DMD: variants seen among roughly 807,000 people sequenced by gnomAD.
DMD encodes dystrophin, also known as mutant dystrophin.
DMD carries 63 observed loss-of-function variants against 330.1 expected under a neutral mutation model. The observed-to-expected ratio is 0.19, with a 90% CI of 0.16 to 0.24. DMD has a LOEUF of 0.24. Ranked by LOEUF, DMD falls within the 10% of genes least tolerant of loss-of-function variation. DMD has a pLI of 1.00. For synonymous variants in DMD, 1,223 were observed against 959.8 expected (o/e 1.27, Z -5.07); for missense variants, 3,344 against 2,684.1 (o/e 1.25, Z -5.43).
At chrX:31,956,404 G>A (rs1337956642) in intron 45 of DMD, among the ~76,000 whole-genome samples, 6 of 111,803 alleles carry the variant, frequency 5.4e-5, no homozygotes, top group African/African-American at 9.8e-5. Flanking sequence ...CAGGGAAACC[G>A]TATAGAATGA....
At chrX:31,438,997 ACTCCTAT>A (rs2064741370) in intron 60 of DMD, among the ~76,000 whole-genome samples, 1 of 110,899 alleles carries the variant, frequency 9.0e-6, no homozygotes, top group Admixed American at 9.6e-5. Context: ...CCACACAAAT[ACTCCTAT>A]TGTTTAGCTA....
intron 60 of DMD, among the ~76,000 whole-genome samples, chrX:31,385,554 T>A (rs953181705): frequency 2.7e-5 from 3 of 112,436 alleles, no homozygotes; most frequent in Non-Finnish European, 1.9e-5. Context: ...AGGTACACAT[T>A]AAGCGTATAT....
At chrX:32,508,868 T>C (rs1603635124) in intron 18 of DMD, among the ~76,000 whole-genome samples, 1 of 110,714 alleles carries the variant, frequency 9.0e-6, no homozygotes, top group Non-Finnish European at 1.9e-5. Flanking sequence ...TGGAGTGCAG[T>C]GGCGCAATCT....
rs1049812984 is a variant in DMD at position 32,687,119 on chromosome X, T to G, written c.960+10751A>C. On this transcript the variant is annotated intron_variant, in intron 9 of 78. Coordinates refer to ENST00000357033, the MANE Select transcript of DMD (RefSeq NM_004006.3). The stretch of plus-strand genomic sequence containing the variant: ...GCAATTAAGTGGCCATTTCGGCTCC[T>G]ACTCTGTGACACTTATGTGCAAGGA... Among the ~76,000 whole-genome samples, 6 of 112,317 alleles carry G rather than the reference T, an allele frequency of 5.3e-5. No homozygotes were observed. In the East Asian group the frequency reaches 1.7e-3, roughly 31 times the overall value.
At chrX:31,882,991 A>G (rs1350056454) in intron 47 of DMD, among the ~76,000 whole-genome samples, 1 of 111,474 alleles carries the variant, frequency 9.0e-6, no homozygotes, top group Non-Finnish European at 1.9e-5. Context: ...TTAAAAATAA[A>G]TATATACATA....
chrX:31,496,526 G>T (rs1284333592), intron 57 of DMD, among the ~76,000 whole-genome samples: 1 of 111,726 alleles, frequency 9.0e-6, no homozygotes, highest in South Asian at 3.7e-4. Context: ...GTCTACTTTT[G>T]TATATGTTCA....
At chrX:33,256,528 T>C (rs1449144241) in intron 1 of DMD, among the ~76,000 whole-genome samples, 1 of 110,509 alleles carries the variant, frequency 9.0e-6, no homozygotes, top group Non-Finnish European at 1.9e-5. Flanking sequence ...AGAGGAAATA[T>C]AACATTTATA....
chrX:32,571,545 A>G (rs1347424955), intron 15 of DMD, among the ~76,000 whole-genome samples: 1 of 111,503 alleles, frequency 9.0e-6, no homozygotes, highest in Non-Finnish European at 1.9e-5. Context: ...TTAATGTGTC[A>G]CTCTACACAA....
chrX:31,397,274 C>G (rs775734243), intron 60 of DMD, among the ~76,000 whole-genome samples: 1 of 111,975 alleles, frequency 8.9e-6, no homozygotes, highest in East Asian at 2.8e-4. Flanking sequence ...TCTCAGTAGA[C>G]AAATCCAAAA....
In DMD at chrX:31,512,720, T is replaced by C. The variant is rs1449263674; in HGVS notation, c.8218-5267A>G. 5.5e-3 allele frequency among the ~76,000 whole-genome samples: 609 copies of C among 111,674 alleles called. 6 individuals carry two copies. The highest frequency in any genetic ancestry group is 0.018 in the African/African-American group (539 of 30,690). ...TCTCTGTTTTGGTACCAGTACCATG[T>C]TGTTTTGGTTACTGTAGCCTTGTAG... is the stretch of plus-strand genomic sequence containing the variant. On this transcript the variant is annotated intron_variant, in intron 55 of 78. Transcript: ENST00000357033.
At chrX:32,936,733 T>C (rs1243319200) in intron 2 of DMD, among the ~76,000 whole-genome samples, 1 of 111,733 alleles carries the variant, frequency 8.9e-6, no homozygotes, top group Non-Finnish European at 1.9e-5. Flanking sequence ...CAAATAGTTT[T>C]TGTGCCATAA....
At chrX:32,160,208 GGTT>G (rs1353007968) in intron 44 of DMD, among the ~76,000 whole-genome samples, 12 of 100,945 alleles carry the variant, frequency 1.2e-4, no homozygotes, top group African/African-American at 4.6e-4. Context: ...TTCCAACTTT[GGTT>G]TTTTTTTTTT....
intron 53 of DMD, among the ~76,000 whole-genome samples, chrX:31,669,928 A>G (rs781037760): frequency 6.4e-5 from 7 of 109,427 alleles, no homozygotes; most frequent in African/African-American, 2.3e-4. Context: ...TCTTAATAAT[A>G]TTAAGTCTTT....
chrX:31,370,722 A>T (rs748780065), intron 60 of DMD, among the ~76,000 whole-genome samples: 4 of 112,391 alleles, frequency 3.6e-5, no homozygotes, highest in Non-Finnish European at 7.5e-5. Flanking sequence ...TCACACAAAA[A>T]CCTGTACATT....
chrX:31,355,417 T>C (rs2058620255), intron 60 of DMD, among the ~76,000 whole-genome samples: 1 of 112,444 alleles, frequency 8.9e-6, no homozygotes, highest in African/African-American at 3.2e-5. Flanking sequence ...TAGGAACGTA[T>C]GTTTTGATTT....
intron 50 of DMD, among the ~76,000 whole-genome samples, chrX:31,787,434 C>G (rs1279851450): frequency 8.9e-6 from 1 of 111,901 alleles, no homozygotes; most frequent in Non-Finnish European, 1.9e-5. Flanking sequence ...CAATTGAATG[C>G]TCTAAAAAAT....
chrX:31,771,691 G>A (rs1323975085), intron 51 of DMD, among the ~76,000 whole-genome samples: 1 of 110,923 alleles, frequency 9.0e-6, no homozygotes, highest in African/African-American at 3.3e-5. Flanking sequence ...AGTAGAGATG[G>A]GGTTTGGCCA....
intron 55 of DMD, among the ~76,000 whole-genome samples, chrX:31,556,291 C>T (rs1437425002): frequency 9.8e-6 from 1 of 101,583 alleles, no homozygotes; most frequent in Non-Finnish European, 2.0e-5. Context: ...GGCGTGAACC[C>T]AGGAGGTGGA....
At chrX:32,641,577 T>C (rs768276197) in intron 11 of DMD, 3 of 161,693 alleles carry the variant, frequency 1.9e-5, no homozygotes, top group African/African-American at 3.1e-5. Context: ...TGTTGGTAGA[T>C]AGGATTAATA....
Sources: allele counts gnomAD v4.1 joint callset (sites outside exome capture counted in the v4.1 genomes callset), GRCh38; gene constraint gnomAD v4.1.1; transcripts MANE v1.5; gene names NCBI Gene and HGNC (gene_info 2026-07-23, HGNC 2026-07-21).